Variants in ABCA12 observed in about 807,000 individuals in gnomAD.
ABCA12 encodes the protein ATP binding cassette subfamily A member 12.
Under a neutral mutation model 293.5 loss-of-function variants are expected in ABCA12, and 156 were observed. The observed-to-expected ratio is 0.53, with a 90% CI of 0.47 to 0.61. ABCA12 has a LOEUF of 0.61. Ranked by LOEUF, ABCA12 falls within the 20% of genes least tolerant of loss-of-function variation. The pLI, the probability that ABCA12 is intolerant of heterozygous loss-of-function variation, is 0.00. For synonymous variants in ABCA12, 1,063 were observed against 1,108.0 expected (o/e 0.96, Z 0.81); for missense variants, 2,797 against 3,090.2 (o/e 0.91, Z 2.25).
intron 14 of ABCA12, 145 bp downstream of exon 14, chr2:215,017,863 A>G: frequency 9.2e-7 from 1 of 1,089,566 alleles, no homozygotes; most frequent in Non-Finnish European, 1.3e-6. Context: ...ATCTTTAATG[A>G]GGCCTCCAGG....
At chr2:214,990,346 T>C (rs892599492) in intron 24 of ABCA12, among the ~76,000 whole-genome samples, 2 of 152,196 alleles carry the variant, frequency 1.3e-5, no homozygotes, top group African/African-American at 4.8e-5. Context: ...CCATGAAAAT[T>C]GTTCACATAT....
At chr2:214,984,675 G>A (rs1034179618) in intron 28 of ABCA12, among the ~76,000 whole-genome samples, 1 of 152,042 alleles carries the variant, frequency 6.6e-6, no homozygotes, top group Non-Finnish European at 1.5e-5. Flanking sequence ...TTCCCCATGT[G>A]ATAAATTCAT....
intron 11 of ABCA12, among the ~76,000 whole-genome samples, 189 bp from the exon 12 acceptor site, chr2:215,019,985 G>C (rs569707813): frequency 2.0e-5 from 3 of 152,022 alleles, no homozygotes; most frequent in South Asian, 2.1e-4. Flanking sequence ...TATTGTTCTC[G>C]TAAGAACCTG....
In ABCA12 at chr2:215,049,672, G is replaced by T; in HGVS notation, c.647C>A (p.Thr216Asn). 3.1e-6 allele frequency: 5 copies of T among 1,613,572 alleles called. No individual in the cohort carries two copies. Among genetic ancestry groups the T allele is most frequent in the Non-Finnish European group, 4.2e-6 (5 of 1,179,708 alleles). ...TTCTTGGAGAGAAGACTCTAAAAGG[G>T]TCATGTTAGAAAGGCAAAATTTGTT... is the stretch of plus-strand genomic sequence containing the variant. Reference protein sequence around the residue: ...VFNKFCLSNMTLLESSLQELN... With the variant: ...VFNKFCLSNMNLLESSLQELN... Residue 216 changes from threonine to asparagine, a missense_variant, in exon 6 of 53, where the codon ACC becomes AAC. By Grantham distance (65) the Thr-to-Asn change is moderately conservative (BLOSUM62 0). Around this residue, in one of 3 missense-constraint regions of ABCA12, gnomAD observed 656 missense variants for 638.2 expected, o/e 1.03. Transcript: ENST00000272895.
intron 8 of ABCA12, chr2:215,032,116 G>A: frequency 7.1e-7 from 1 of 1,403,272 alleles, no homozygotes; most frequent in Non-Finnish European, 9.2e-7. Flanking sequence ...TAATCCCGAT[G>A]GTCAAGCATA....
intron 18 of ABCA12, among the ~76,000 whole-genome samples, chr2:215,009,452 TTAAAA>T (rs1700325541): frequency 2.2e-5 from 3 of 138,674 alleles, no homozygotes; most frequent in Non-Finnish European, 1.5e-5. Context: ...AACCCTGAAC[TTAAAA>T]TAAAAGTTAA....
chr2:214,967,764 T>C (rs12996411), intron 38 of ABCA12, among the ~76,000 whole-genome samples: 2,481 of 152,240 alleles, frequency 0.016, 30 homozygotes, highest in Non-Finnish European at 0.025. Flanking sequence ...GAAAATTAGG[T>C]AGTTTGTGTA....
rs554666909 is a variant in ABCA12 at position 214,973,355 on chromosome 2, AC to A, written c.5562+593del. Among the ~76,000 whole-genome samples, 19 of 152,316 alleles carry A rather than the reference AC, an allele frequency of 1.2e-4. No homozygotes were observed. The South Asian group carries it at 3.7e-3, about 30-fold the overall frequency. On this transcript the variant is annotated intron_variant, in intron 36 of 52. Transcript: ENST00000272895. ...TAGTAACTATTAGAAACTAATAGTG[AC>A]CTTTTTTCTTCAACAATCTTGAACT...
chr2:215,033,784 A>G (rs1700930720), intron 8 of ABCA12, among the ~76,000 whole-genome samples: 2 of 151,944 alleles, frequency 1.3e-5, no homozygotes, highest in Admixed American at 1.3e-4. Flanking sequence ...TACTAAAAAT[A>G]TAAAAAATTA....
intron 1 of ABCA12, among the ~76,000 whole-genome samples, chr2:215,127,158 G>A (rs948372732): frequency 2.0e-5 from 3 of 152,104 alleles, no homozygotes; most frequent in Non-Finnish European, 4.4e-5. Context: ...CTGAGAAAGT[G>A]CTTGATATAA....
intron 8 of ABCA12, among the ~76,000 whole-genome samples, chr2:215,033,488 T>C (rs1574999449): frequency 6.6e-6 from 1 of 152,268 alleles, no homozygotes; most frequent in South Asian, 2.1e-4. Flanking sequence ...GACTTGACCC[T>C]GAAGTTAAAT....
intron 24 of ABCA12, among the ~76,000 whole-genome samples, chr2:214,990,215 T>A (rs1268969103): frequency 6.6e-6 from 1 of 152,214 alleles, no homozygotes; most frequent in East Asian, 1.9e-4. Flanking sequence ...TCTTAATGCT[T>A]TAATTAAAAT....
At chr2:214,972,627 C>T (rs976818114) in intron 36 of ABCA12, among the ~76,000 whole-genome samples, 1 of 151,992 alleles carries the variant, frequency 6.6e-6, no homozygotes, top group African/African-American at 2.4e-5. Flanking sequence ...AAGCTGGTCT[C>T]GAACTCCTGG....
At chr2:214,965,889 A>G (rs1263466107) in intron 39 of ABCA12, among the ~76,000 whole-genome samples, 1 of 152,204 alleles carries the variant, frequency 6.6e-6, no homozygotes, top group Non-Finnish European at 1.5e-5. Context: ...TACTACATAT[A>G]TACCCAAAGG....
intron 23 of ABCA12, among the ~76,000 whole-genome samples, chr2:214,993,175 G>A (rs1395419375): frequency 6.6e-6 from 1 of 152,156 alleles, no homozygotes; most frequent in Non-Finnish European, 1.5e-5. Context: ...AAGACCCTGT[G>A]ACTTTCCCTC....
chr2:215,086,642 A>T (rs1702044303), intron 2 of ABCA12, among the ~76,000 whole-genome samples: 1 of 152,134 alleles, frequency 6.6e-6, no homozygotes, highest in South Asian at 2.1e-4. Flanking sequence ...TCACCGTATG[A>T]TTCTGGAGCT....
chr2:215,103,481 G>A (rs773134634), intron 2 of ABCA12, among the ~76,000 whole-genome samples: 2 of 151,792 alleles, frequency 1.3e-5, no homozygotes, highest in Admixed American at 6.6e-5. Context: ...TGTTGGCCAG[G>A]CTGGTCTCGA....
intron 49 of ABCA12, among the ~76,000 whole-genome samples, chr2:214,943,751 G>A (rs2105918526): frequency 6.6e-6 from 1 of 152,156 alleles, no homozygotes; most frequent in South Asian, 2.1e-4. Context: ...GCCTGTACTT[G>A]ATTATACAGT....
In ABCA12 at chr2:215,045,845, C is replaced by T. The variant is rs746575233; in HGVS notation, c.864G>A (p.Lys288=). The T allele has an allele frequency of 4.4e-5, 71 of 1,612,960 alleles. No homozygotes were observed. The highest frequency in any genetic ancestry group is 5.6e-5 in the Non-Finnish European group (66 of 1,179,522). ...TTCTTACATTTTCTTACCTGTTTGC[C>T]TTTCGAAGAACATCAAATAGATTGC... is the stretch of plus-strand genomic sequence containing the variant. ...SLSNLFDVLR[K]ANSVLLVVQK... is the part of the protein sequence containing the mutation. The change falls in exon 7 of 53, where the codon AAG becomes AAA. Residue 288 remains lysine, a synonymous_variant. Coordinates refer to ENST00000272895, the MANE Select transcript of ABCA12 (RefSeq NM_173076.3).
Sources: allele counts gnomAD v4.1 joint callset (sites outside exome capture counted in the v4.1 genomes callset), GRCh38; gene constraint gnomAD v4.1.1; regional missense constraint gnomAD v4.1.1; transcripts MANE v1.5; gene names NCBI Gene and HGNC (gene_info 2026-07-23, HGNC 2026-07-21).